MIPOL1: variants seen among roughly 807,000 people sequenced by gnomAD.
The protein encoded by MIPOL1 is mirror-image polydactyly gene 1 protein.
Under a neutral mutation model 60.9 loss-of-function variants are expected in MIPOL1, and 57 were observed. The observed-to-expected ratio is 0.94, with a 90% confidence interval of 0.76 to 1.17. MIPOL1 has a LOEUF of 1.17. Ranked by LOEUF, MIPOL1 falls within the 50% of genes most tolerant of loss-of-function variation. MIPOL1 has a pLI of 0.00. For missense variants in MIPOL1, 551 were observed against 511.6 expected (o/e 1.08, Z -0.74); for synonymous variants, 179 against 168.8 (o/e 1.06, Z -0.47).
At chr14:37,413,884 A>C (rs2093720041) in intron 10 of MIPOL1, among the ~76,000 whole-genome samples, 1 of 152,210 alleles carries the variant, frequency 6.6e-6, no homozygotes, top group Non-Finnish European at 1.5e-5. Flanking sequence ...GCCTGCAACA[A>C]TGCGGGGGAG....
intron 10 of MIPOL1, among the ~76,000 whole-genome samples, chr14:37,413,196 G>A (rs1022513586): frequency 1.3e-5 from 2 of 151,866 alleles, no homozygotes; most frequent in African/African-American, 4.8e-5. Flanking sequence ...CAACTCTCAA[G>A]GAGCTCATAG....
chr14:37,474,675 G>A (rs1477140881), intron 11 of MIPOL1, among the ~76,000 whole-genome samples: 1 of 152,100 alleles, frequency 6.6e-6, no homozygotes, highest in Non-Finnish European at 1.5e-5. Flanking sequence ...AATACATATG[G>A]TAAGGCTATA....
At chr14:37,311,527 C>T (rs2087319849) in intron 9 of MIPOL1, among the ~76,000 whole-genome samples, 1 of 152,028 alleles carries the variant, frequency 6.6e-6, no homozygotes, top group African/African-American at 2.4e-5. Context: ...ATTTGCAAGC[C>T]CTCTGGCTCA....
chr14:37,258,064 C>G (rs564506419), intron 3 of MIPOL1, among the ~76,000 whole-genome samples: 1 of 152,084 alleles, frequency 6.6e-6, no homozygotes, highest in Non-Finnish European at 1.5e-5. Context: ...CAAGACTTAC[C>G]TATACTTCAA....
At chr14:37,289,618 C>T (rs1427322829) in intron 7 of MIPOL1, among the ~76,000 whole-genome samples, 2 of 152,136 alleles carry the variant, frequency 1.3e-5, no homozygotes, top group African/African-American at 4.8e-5. Context: ...GCTTCCGTGC[C>T]CTCCTTGGGT....
intron 11 of MIPOL1, among the ~76,000 whole-genome samples, chr14:37,455,418 G>A (rs2094466248): frequency 6.6e-6 from 1 of 151,908 alleles, no homozygotes; most frequent in Non-Finnish European, 1.5e-5. Flanking sequence ...TTCAATAATA[G>A]TCTTCCATTT....
intron 4 of MIPOL1, among the ~76,000 whole-genome samples, chr14:37,267,724 A>G (rs1325751067): frequency 6.6e-6 from 1 of 152,142 alleles, no homozygotes; most frequent in Non-Finnish European, 1.5e-5. Context: ...ATTTTATTCA[A>G]TATTATTTTC....
chr14:37,375,969 A>G (rs2092765978), intron 10 of MIPOL1, among the ~76,000 whole-genome samples: 1 of 151,648 alleles, frequency 6.6e-6, no homozygotes, highest in African/African-American at 2.4e-5. Context: ...TTTTCCATCT[A>G]TTTCTAAAGA....
chr14:37,533,629 C>T (rs1028228625), intron 12 of MIPOL1, among the ~76,000 whole-genome samples: 3 of 152,092 alleles, frequency 2.0e-5, no homozygotes, highest in Non-Finnish European at 4.4e-5. Flanking sequence ...AGGGACTTTC[C>T]CACTAATCTA....
chr14:37,351,823 G>A (rs1405535410), intron 9 of MIPOL1, among the ~76,000 whole-genome samples: 1 of 145,512 alleles, frequency 6.9e-6, no homozygotes, highest in Non-Finnish European at 1.5e-5. Flanking sequence ...TTTGTCAGAT[G>A]AGTAGGTTGT....
At position 37,477,613 on chromosome 14, in the gene MIPOL1, C is replaced by T. The variant is rs2094797087; in HGVS notation, c.1032-22295C>T. Among the ~76,000 whole-genome samples, 3 of 152,176 alleles carry T rather than the reference C, an allele frequency of 2.0e-5. No individual in the cohort carries two copies. The South Asian group carries it at 6.2e-4, about 31-fold the overall frequency. On this transcript the variant is annotated intron_variant, in intron 11 of 12. Transcript: ENST00000684589. ...AAGTGTAAAACTTTTTGAGTGCTGA[C>T]ATGACATCACAAGTATAAAATAACA...
At chr14:37,356,280 G>A (rs2091816383) in intron 9 of MIPOL1, among the ~76,000 whole-genome samples, 1 of 151,694 alleles carries the variant, frequency 6.6e-6, no homozygotes, top group South Asian at 2.1e-4. Context: ...ATCTCCAGCT[G>A]CGTGCTGGGA....
intron 6 of MIPOL1, among the ~76,000 whole-genome samples, chr14:37,275,503 T>A (rs2083586585): frequency 6.6e-6 from 1 of 151,290 alleles, no homozygotes. Flanking sequence ...TGCTCTTATA[T>A]CAGTGATGAT....
chr14:37,234,942 ATTTTTTTTTTTT>A (rs5807941), intron 1 of MIPOL1, among the ~76,000 whole-genome samples: 1 of 116,830 alleles, frequency 8.6e-6, no homozygotes, highest in East Asian at 2.6e-4. Context: ...CGTACGGCTA[ATTTTTTTTTTTT>A]TTTTTTTTTT....
chr14:37,475,780 C>T (rs1174158490), intron 11 of MIPOL1, among the ~76,000 whole-genome samples: 5 of 152,066 alleles, frequency 3.3e-5, no homozygotes, highest in Non-Finnish European at 7.4e-5. Flanking sequence ...TTCCATTGAT[C>T]GATTTTTCTA....
chr14:37,351,225 C>A (rs4550362), intron 9 of MIPOL1, among the ~76,000 whole-genome samples: 140,649 of 144,864 alleles, frequency 0.97, 68,338 homozygotes, highest in East Asian at 1. Flanking sequence ...ATGTCCCTAC[C>A]AAGGACATGA....
chr14:37,199,855 C>G (rs1471820911), intron 1 of MIPOL1, among the ~76,000 whole-genome samples: 1 of 152,114 alleles, frequency 6.6e-6, no homozygotes, highest in African/African-American at 2.4e-5. Flanking sequence ...TATATGCCTA[C>G]TAGAAAATTA....
intron 9 of MIPOL1, among the ~76,000 whole-genome samples, chr14:37,339,980 TAA>T (rs2153461438): frequency 6.6e-6 from 1 of 152,326 alleles, no homozygotes; most frequent in African/African-American, 2.4e-5. Flanking sequence ...TTACTCTATG[TAA>T]TCTTACCTGA....
chr14:37,394,405 T>G (rs1419146509), intron 10 of MIPOL1, among the ~76,000 whole-genome samples: 1 of 151,992 alleles, frequency 6.6e-6, no homozygotes, highest in African/African-American at 2.4e-5. Context: ...CCCTGATCAC[T>G]GCATCCATAC....
Sources: allele counts gnomAD v4.1 joint callset (sites outside exome capture counted in the v4.1 genomes callset), GRCh38; gene constraint gnomAD v4.1.1; transcripts MANE v1.5; gene names NCBI Gene and HGNC (gene_info 2026-07-23, HGNC 2026-07-21).